The following PTPRU variants were observed in gnomAD, a reference collection of about 807,000 sequenced individuals.
PTPRU encodes receptor-type tyrosine-protein phosphatase U.
PTPRU carries 69 observed loss-of-function variants against 166.3 expected under a neutral mutation model. That is an observed-to-expected ratio of 0.41 (90% CI 0.34 to 0.51). The LOEUF (loss-of-function observed/expected upper bound fraction) is 0.51, where lower values mean the gene tolerates loss of function less well. Ranked by LOEUF, PTPRU falls within the 20% of genes least tolerant of loss-of-function variation. The pLI, the probability that PTPRU is intolerant of heterozygous loss-of-function variation, is 0.09. For synonymous variants in PTPRU, 793 were observed against 814.0 expected (o/e 0.97, Z 0.44); for missense variants, 1,657 against 2,013.7 (o/e 0.82, Z 3.39).
Position 29,236,708 on chromosome 1 carries a change from A to T in PTPRU, c.64A>T (p.Thr22Ser). ...CCAGCTCTGCGCGCCGGAGACCGAG[A>T]CTCCGGCAGGTAAGCGCGCGGCGGC... ...TFQLCAPETETPAAGCTFEEA... is the reference protein window; with the variant it reads ...TFQLCAPETESPAAGCTFEEA... Residue 22 changes from threonine (T) to serine (S), a missense_variant, in exon 1 of 30, where the codon ACT becomes TCT. By Grantham distance (58) the Thr-to-Ser change is moderately conservative. Transcript: ENST00000373779. This position sits in a 1 kb window ranked among gnomAD's most constrained non-coding sequence, Gnocchi z 4.6. 1 of 1,452,686 alleles carries T rather than the reference A, an allele frequency of 6.9e-7. No individual in the cohort carries two copies. The highest frequency in any genetic ancestry group is 9.0e-7 in the Non-Finnish European group (1 of 1,105,278). 90.0% of individuals were successfully genotyped at this position (1,452,686 alleles called of 1,614,324 possible). A position where few individuals can be genotyped will look rare whatever the true frequency, so the allele number is the denominator to read the frequency against.
chr1:29,245,330 G>A (rs1435124027), intron 1 of PTPRU, among the ~76,000 whole-genome samples: 2 of 152,194 alleles, frequency 1.3e-5, no homozygotes, highest in Admixed American at 6.5e-5. Context: ...AGGGAGACAA[G>A]CCAGATGAGA....
At chr1:29,298,533 G>A (rs2151960823) in intron 15 of PTPRU, among the ~76,000 whole-genome samples, 1 of 152,180 alleles carries the variant, frequency 6.6e-6, no homozygotes, top group East Asian at 1.9e-4. Context: ...AAGCCAGCTG[G>A]AACCTTCCCA....
intron 12 of PTPRU, among the ~76,000 whole-genome samples, chr1:29,283,221 T>C (rs1248769912): frequency 7.0e-6 from 1 of 143,374 alleles, no homozygotes; most frequent in African/African-American, 2.6e-5. Context: ...CACCTCCCAT[T>C]GCCCCACCTC....
intron 21 of PTPRU, 31 bp from the exon 22 acceptor site, chr1:29,312,521 A>G (rs778770023): frequency 6.4e-7 from 1 of 1,554,076 alleles, no homozygotes; most frequent in African/African-American, 1.4e-5. Flanking sequence ...GCTGCCAGGG[A>G]CTCTGATTAT....
At chr1:29,290,439 C>G (rs1164669418) in intron 14 of PTPRU, among the ~76,000 whole-genome samples, 1 of 152,250 alleles carries the variant, frequency 6.6e-6, no homozygotes, top group Admixed American at 6.5e-5. Flanking sequence ...CCCCTGCTGA[C>G]TCCACAGCCT....
intron 15 of PTPRU, among the ~76,000 whole-genome samples, chr1:29,303,471 G>C (rs1298886656): frequency 6.6e-6 from 1 of 152,256 alleles, no homozygotes; most frequent in Non-Finnish European, 1.5e-5. Context: ...GGAGTTGCCA[G>C]TGTTCCAGGT....
At chr1:29,276,405 T>C (rs1685807356) in intron 8 of PTPRU, among the ~76,000 whole-genome samples, 1 of 152,198 alleles carries the variant, frequency 6.6e-6, no homozygotes, top group African/African-American at 2.4e-5. Flanking sequence ...AGCCTCGACC[T>C]CCCAGGCTCA....
At chr1:29,278,306 C>G (rs761751914) in intron 8 of PTPRU, among the ~76,000 whole-genome samples, 6 of 152,308 alleles carry the variant, frequency 3.9e-5, no homozygotes, top group South Asian at 2.1e-4. Flanking sequence ...TCTTTACTTT[C>G]TGCTTTTCTC....
At chr1:29,295,563 A>G (rs1686843406) in intron 15 of PTPRU, among the ~76,000 whole-genome samples, 1 of 152,214 alleles carries the variant, frequency 6.6e-6, no homozygotes, top group Admixed American at 6.5e-5. Flanking sequence ...TTTTTTAGAT[A>G]GATGTCCCTA....
chr1:29,308,284 C>CT (rs567805935), intron 18 of PTPRU, among the ~76,000 whole-genome samples: 6,479 of 136,136 alleles, frequency 0.048, 472 homozygotes, highest in African/African-American at 0.15. Flanking sequence ...TAATTTTTTC[C>CT]TTTTTTTTTT....
intron 26 of PTPRU, 27 bp from the exon 27 acceptor site, chr1:29,323,344 C>A: frequency 6.3e-7 from 1 of 1,599,248 alleles, no homozygotes; most frequent in Non-Finnish European, 8.5e-7. Context: ...CTCTACTCAG[C>A]TCTCCCCTCT....
intron 1 of PTPRU, among the ~76,000 whole-genome samples, chr1:29,253,882 G>A (rs1446325083): frequency 2.0e-5 from 3 of 152,072 alleles, no homozygotes; most frequent in Non-Finnish European, 4.4e-5. Flanking sequence ...TAGGCGTTGT[G>A]CTAAGTGGGC....
At chr1:29,247,496 C>A (rs561583024) in intron 1 of PTPRU, among the ~76,000 whole-genome samples, 1 of 152,354 alleles carries the variant, frequency 6.6e-6, no homozygotes, top group Non-Finnish European at 1.5e-5. Context: ...TCTCCATGGA[C>A]CTTTATGAAG....
At chr1:29,264,604 C>T (rs1685208827) in intron 7 of PTPRU, among the ~76,000 whole-genome samples, 2 of 151,858 alleles carry the variant, frequency 1.3e-5, no homozygotes, top group East Asian at 1.9e-4. Context: ...CTCCCAGGTT[C>T]AAGCGATTCT....
chr1:29,316,840 C>T (rs1052622911), intron 24 of PTPRU, among the ~76,000 whole-genome samples: 1 of 152,280 alleles, frequency 6.6e-6, no homozygotes, highest in South Asian at 2.1e-4. Context: ...CACTGATTGC[C>T]CCTGGCTCTG....
At position 29,323,617 on chromosome 1, in the gene PTPRU, G is replaced by C. The variant is rs1412070286; in HGVS notation, c.3955-14G>C. On this transcript the variant is annotated splice_polypyrimidine_tract_variant and intron_variant, in intron 27 of 29. Transcript: ENST00000373779. ...GTGCTCATGTCCTCCCTGGCTGGCT[G>C]CCCCTGTCCCCAGTTGCAGGAGGGG... 2 of 1,613,792 alleles carry C rather than the reference G, an allele frequency of 1.2e-6. No individual in the cohort carries two copies. The highest frequency in any genetic ancestry group is 4.5e-5 in the East Asian group (2 of 44,868).
chr1:29,299,180 C>A (rs1398692308), intron 15 of PTPRU, among the ~76,000 whole-genome samples: 1 of 152,204 alleles, frequency 6.6e-6, no homozygotes, highest in Non-Finnish European at 1.5e-5. Context: ...GAATTCAGGT[C>A]TCTCTGACTC....
intron 14 of PTPRU, among the ~76,000 whole-genome samples, chr1:29,287,795 A>G (rs1686429040): frequency 6.7e-6 from 1 of 149,010 alleles, no homozygotes; most frequent in South Asian, 2.1e-4. Context: ...ACGGGGTTTC[A>G]CCTTGTTAGC....
intron 7 of PTPRU, among the ~76,000 whole-genome samples, chr1:29,262,436 G>C (rs2151946235): frequency 6.6e-6 from 1 of 152,318 alleles, no homozygotes; most frequent in East Asian, 1.9e-4. Context: ...TGGTCAACTT[G>C]AGGCTTGAAA....
Sources: gnomAD v4.1 joint callset for allele counts (sites outside exome capture counted in the v4.1 genomes callset) on GRCh38, gnomAD v4.1.1 for gene constraint, Gnocchi (gnomAD v3.1) non-coding constraint, MANE v1.5 for transcripts, NCBI Gene and HGNC (gene_info 2026-07-23, HGNC 2026-07-21) for gene names.